Variants in PIK3C2G observed in about 807,000 individuals in gnomAD.
PIK3C2G encodes phosphatidylinositol 3-kinase C2 domain-containing subunit gamma.
PIK3C2G carries 168 observed loss-of-function variants against 181.1 expected under a neutral mutation model. The observed-to-expected ratio is 0.93, with a 90% confidence interval of 0.82 to 1.05. PIK3C2G has a LOEUF of 1.05. Ranked by LOEUF, PIK3C2G falls within the 50% of genes least tolerant of loss-of-function variation. PIK3C2G has a pLI of 0.00. For synonymous variants in PIK3C2G, 573 were observed against 592.2 expected (o/e 0.97, Z 0.47); for missense variants, 1,869 against 1,732.8 (o/e 1.08, Z -1.40).
At chr12:18,637,504 G>A (rs1015396318) in intron 31 of PIK3C2G, among the ~76,000 whole-genome samples, 3 of 151,702 alleles carry the variant, frequency 2.0e-5, no homozygotes, top group African/African-American at 7.3e-5. Context: ...GCGTCTGCAG[G>A]AATCAGACTG....
At chr12:18,304,503 C>T (rs1050544537) in intron 5 of PIK3C2G, among the ~76,000 whole-genome samples, 31 of 152,178 alleles carry the variant, frequency 2.0e-4, no homozygotes, top group African/African-American at 6.0e-4. Context: ...GTGATCAACC[C>T]GCCCCGGCCT....
chr12:18,337,538 C>T (rs1191928586), intron 8 of PIK3C2G, among the ~76,000 whole-genome samples: 1 of 152,154 alleles, frequency 6.6e-6, no homozygotes, highest in Non-Finnish European at 1.5e-5. Flanking sequence ...GTGCCAGCAT[C>T]TGCTTCTGGT....
chr12:18,499,454 C>T (rs1229849664), intron 22 of PIK3C2G, among the ~76,000 whole-genome samples: 3 of 152,252 alleles, frequency 2.0e-5, no homozygotes, highest in East Asian at 1.9e-4. Context: ...CCAGTTTCCA[C>T]GAAGTTTCCA....
intron 18 of PIK3C2G, among the ~76,000 whole-genome samples, chr12:18,483,456 G>A (rs1939747650): frequency 6.6e-6 from 1 of 152,044 alleles, no homozygotes; most frequent in Non-Finnish European, 1.5e-5. Flanking sequence ...TTTAGCAGTG[G>A]CACAGAATAT....
the PIK3C2G span, among the ~76,000 whole-genome samples, chr12:18,658,287 G>T: frequency 1.3e-5 from 2 of 152,064 alleles, no homozygotes; most frequent in Non-Finnish European, 2.9e-5. Flanking sequence ...AATATTTAAA[G>T]AAATAATGGT....
intron 16 of PIK3C2G, among the ~76,000 whole-genome samples, chr12:18,405,821 T>C (rs1204097598): frequency 8.5e-5 from 13 of 152,198 alleles, no homozygotes; most frequent in Non-Finnish European, 1.6e-4. Flanking sequence ...ATATATACAT[T>C]GTAGAAAGAT....
intron 24 of PIK3C2G, among the ~76,000 whole-genome samples, chr12:18,518,599 AT>A (rs1350067660): frequency 6.6e-6 from 1 of 151,670 alleles, no homozygotes; most frequent in African/African-American, 2.4e-5. Context: ...ATCACTTTTT[AT>A]TGTGTCTATT....
At chr12:18,458,432 G>A (rs553651153) in intron 18 of PIK3C2G, among the ~76,000 whole-genome samples, 18 of 152,164 alleles carry the variant, frequency 1.2e-4, no homozygotes, top group African/African-American at 3.9e-4. Context: ...GCAGATGCTC[G>A]TTGTATATAT....
At chr12:18,419,902 T>C (rs1238564027) in intron 16 of PIK3C2G, among the ~76,000 whole-genome samples, 2 of 152,148 alleles carry the variant, frequency 1.3e-5, no homozygotes, top group East Asian at 3.9e-4. Context: ...AGTAACCTGA[T>C]ATGCTGAGAA....
At chr12:18,495,040 T>C (rs1251591318) in intron 20 of PIK3C2G, among the ~76,000 whole-genome samples, 1 of 152,046 alleles carries the variant, frequency 6.6e-6, no homozygotes, top group African/African-American at 2.4e-5. Context: ...TGTGTTTAGT[T>C]AAGATATTGG....
chr12:18,658,317 G>C, the PIK3C2G span, among the ~76,000 whole-genome samples: 1 of 152,270 alleles, frequency 6.6e-6, no homozygotes, highest in East Asian at 1.9e-4. Context: ...CAATTCACTT[G>C]ATGAATTACA....
intron 24 of PIK3C2G, among the ~76,000 whole-genome samples, chr12:18,524,204 C>T (rs1015389355): frequency 6.6e-6 from 1 of 152,186 alleles, no homozygotes; most frequent in Non-Finnish European, 1.5e-5. Flanking sequence ...GCCTCCAACT[C>T]ACATTTGTCT....
intron 14 of PIK3C2G, among the ~76,000 whole-genome samples, chr12:18,384,770 T>C (rs995659427): frequency 6.6e-6 from 1 of 152,164 alleles, no homozygotes; most frequent in African/African-American, 2.4e-5. Flanking sequence ...GAATTCATCT[T>C]AGAAATAAGT....
chr12:18,286,963 T>C (rs1461500997), intron 3 of PIK3C2G, 34 bp downstream of exon 3: 1 of 1,135,458 alleles, frequency 8.8e-7, no homozygotes, highest in Non-Finnish European at 1.3e-6. Flanking sequence ...CTTTGAAATT[T>C]TTGTGCCTGA....
chr12:18,684,939 G>A, the PIK3C2G span, among the ~76,000 whole-genome samples: 3 of 151,904 alleles, frequency 2.0e-5, no homozygotes, highest in African/African-American at 7.2e-5. Context: ...ATCTCCTGCT[G>A]CCACATGAAA....
chr12:18,689,157 G>A, the PIK3C2G span, among the ~76,000 whole-genome samples: 92 of 152,076 alleles, frequency 6.0e-4, no homozygotes, highest in African/African-American at 2.2e-3. Context: ...AAAGAACAAT[G>A]GCCATAAACA....
chr12:18,545,259 T>C (rs1455489562), intron 25 of PIK3C2G, among the ~76,000 whole-genome samples: 1 of 151,862 alleles, frequency 6.6e-6, no homozygotes, highest in African/African-American at 2.4e-5. Flanking sequence ...TGCTTTCCTA[T>C]ACATGCTGCT....
At chr12:18,587,503 G>A (rs1368977743) in intron 29 of PIK3C2G, among the ~76,000 whole-genome samples, 1 of 152,008 alleles carries the variant, frequency 6.6e-6, no homozygotes, top group African/African-American at 2.4e-5. Flanking sequence ...AACCAGAGAG[G>A]TGAATGATCT....
intron 18 of PIK3C2G, among the ~76,000 whole-genome samples, chr12:18,451,257 G>A (rs977096005): frequency 1.1e-4 from 17 of 152,080 alleles, no homozygotes; most frequent in Admixed American, 2.6e-4. Context: ...TTCCCTGAGC[G>A]GTGGTTTGTA....
Sources: allele counts gnomAD v4.1 joint callset (sites outside exome capture counted in the v4.1 genomes callset), GRCh38; gene constraint gnomAD v4.1.1; transcripts MANE v1.5; gene names NCBI Gene and HGNC (gene_info 2026-07-23, HGNC 2026-07-21).